Variants in YEATS2 observed in about 807,000 individuals in gnomAD.
YEATS2 encodes the protein YEATS domain-containing protein 2.
In YEATS2, 77 loss-of-function variants were observed where a neutral mutation model predicts 163.2. The observed-to-expected ratio is 0.47, with a 90% CI of 0.39 to 0.57. The LOEUF (loss-of-function observed/expected upper bound fraction) is 0.57. Ranked by LOEUF, YEATS2 falls within the 20% of genes least tolerant of loss-of-function variation. The pLI is 0.00. For synonymous variants in YEATS2, 631 were observed against 645.1 expected, an observed-to-expected ratio of 0.98 and a Z score of 0.33; for missense variants, 1,549 against 1,729.8, an observed-to-expected ratio of 0.90 and a Z score of 1.85.
intron 1 of YEATS2, among the ~76,000 whole-genome samples, chr3:183,702,033 C>T (rs1246293511): frequency 6.6e-6 from 1 of 152,208 alleles, no homozygotes; most frequent in African/African-American, 2.4e-5. Context: ...CTACCTTCTC[C>T]GCTTACCGAA....
chr3:183,789,536 T>A (rs1358089260), intron 20 of YEATS2, among the ~76,000 whole-genome samples: 3 of 112,778 alleles, frequency 2.7e-5, no homozygotes, highest in African/African-American at 1.2e-4. Flanking sequence ...TTTTTTTTTT[T>A]TTTTTTTTTT....
chr3:183,719,258 C>T (rs1354564223), intron 4 of YEATS2, among the ~76,000 whole-genome samples: 2 of 151,386 alleles, frequency 1.3e-5, no homozygotes, highest in African/African-American at 4.9e-5. Context: ...GCCTCAGCCT[C>T]CCAAGTAGCT....
In YEATS2 at chr3:183,777,589, A is replaced by T. The variant is rs188072577; in HGVS notation, c.2625A>T (p.Gln875His). 2 of 1,614,104 alleles carry T rather than the reference A, an allele frequency of 1.2e-6. No individual in the cohort carries two copies. The highest frequency in any genetic ancestry group is 1.7e-6 in the Non-Finnish European group (2 of 1,180,022). The change falls in exon 19 of 31, where the codon CAA becomes CAT. Residue 875 changes from glutamine (Q) to histidine (H), a missense_variant. Coordinates refer to ENST00000305135, the MANE Select transcript of YEATS2 (RefSeq NM_018023.5). Reference protein sequence around the residue: ...GQPSPQTSGKQLTTGSVVQGT... With the variant: ...GQPSPQTSGKHLTTGSVVQGT... Reference sequence around the variant, plus strand: ...CATCACCCCAGACTTCTGGAAAACAACTCACCACTGGGTCAGTGGTCCAAG... The same window carrying T: ...CATCACCCCAGACTTCTGGAAAACATCTCACCACTGGGTCAGTGGTCCAAG...
intron 4 of YEATS2, among the ~76,000 whole-genome samples, chr3:183,721,166 T>C (rs1019379286): frequency 2.0e-5 from 3 of 152,344 alleles, no homozygotes; most frequent in Admixed American, 6.5e-5. Context: ...CATTTAATTA[T>C]TTTTAGTTTT....
At chr3:183,768,564 T>C (rs1425470103) in intron 15 of YEATS2, among the ~76,000 whole-genome samples, 3 of 152,062 alleles carry the variant, frequency 2.0e-5, no homozygotes, top group African/African-American at 7.2e-5. Flanking sequence ...TTCATAAATA[T>C]ACAGAAAAGT....
chr3:183,728,541 G>C, intron 6 of YEATS2, 149 bp from the exon 7 acceptor site: 1 of 672,876 alleles, frequency 1.5e-6, no homozygotes, highest in Non-Finnish European at 2.3e-6. Flanking sequence ...TGATTAACTT[G>C]CAAAGACTCA....
chr3:183,760,860 A>C (rs1197230179), intron 13 of YEATS2, among the ~76,000 whole-genome samples: 1 of 152,140 alleles, frequency 6.6e-6, no homozygotes, highest in Non-Finnish European at 1.5e-5. Context: ...GGCTCCAGGG[A>C]TATAAAATTA....
intron 28 of YEATS2, chr3:183,807,452 A>C: frequency 6.9e-6 from 2 of 290,264 alleles, no homozygotes; most frequent in Non-Finnish European, 1.3e-5. Flanking sequence ...GGCACGTCGT[A>C]CTCTTTCTGA....
At chr3:183,721,825 T>G (rs932281902) in intron 4 of YEATS2, 66 bp from the exon 5 acceptor site, 3 of 1,580,848 alleles carry the variant, frequency 1.9e-6, no homozygotes, top group African/African-American at 2.7e-5. Flanking sequence ...TTTGGAGAGA[T>G]CAGATTTTTG....
intron 1 of YEATS2, among the ~76,000 whole-genome samples, chr3:183,704,360 T>C (rs1478302133): frequency 1.3e-5 from 2 of 152,150 alleles, no homozygotes; most frequent in Non-Finnish European, 2.9e-5. Context: ...GTATTTGCAG[T>C]GAAAGCTTGT....
intron 15 of YEATS2, among the ~76,000 whole-genome samples, chr3:183,768,188 T>C (rs1366122985): frequency 2.0e-5 from 3 of 152,222 alleles, no homozygotes; most frequent in African/African-American, 4.8e-5. Flanking sequence ...TTCCTTTTTT[T>C]GCTCTGACAT....
At chr3:183,741,420 A>G (rs546354322) in intron 8 of YEATS2, among the ~76,000 whole-genome samples, 2 of 152,338 alleles carry the variant, frequency 1.3e-5, no homozygotes, top group South Asian at 2.1e-4. Flanking sequence ...GTTGAGACCA[A>G]CTGCTCAGAG....
intron 12 of YEATS2, among the ~76,000 whole-genome samples, chr3:183,757,849 G>A (rs1159338936): frequency 1.3e-5 from 2 of 151,822 alleles, no homozygotes; most frequent in Non-Finnish European, 2.9e-5. Context: ...TGTGTTCAAG[G>A]CTTACCCAGT....
intron 19 of YEATS2, among the ~76,000 whole-genome samples, chr3:183,778,430 C>T (rs1003038529): frequency 6.6e-6 from 1 of 152,206 alleles, no homozygotes; most frequent in Non-Finnish European, 1.5e-5. Flanking sequence ...AGGGGCTTCA[C>T]GTGGAAGATC....
Position 183,773,618 on chromosome 3 carries a change from C to T in YEATS2, c.2207-15C>T. The stretch of plus-strand genomic sequence containing the variant: ...TTCAATTTATCTTACAATTTTTTCT[C>T]CTTTACCATTTTAGTAATGGCAACG... On this transcript the variant is annotated splice_polypyrimidine_tract_variant and intron_variant, in intron 16 of 30. Transcript: ENST00000305135. 1 of 1,586,968 alleles carries T rather than the reference C, an allele frequency of 6.3e-7. No individual in the cohort carries two copies. Among genetic ancestry groups the T allele is most frequent in the East Asian group, 2.3e-5 (1 of 44,010 alleles).
At chr3:183,794,030 C>T (rs1391020809) in intron 21 of YEATS2, among the ~76,000 whole-genome samples, 4 of 152,188 alleles carry the variant, frequency 2.6e-5, no homozygotes, top group Admixed American at 6.5e-5. Flanking sequence ...ACAGAAGCTG[C>T]GTGAGCAACG....
At chr3:183,772,784 TACACACAC>T (rs879334321) in intron 16 of YEATS2, among the ~76,000 whole-genome samples, 1 of 111,238 alleles carries the variant, frequency 9.0e-6, no homozygotes, top group Admixed American at 9.3e-5. Flanking sequence ...CACACCCACA[TACACACAC>T]ACACACGAAC....
In YEATS2 at chr3:183,758,924, C is replaced by A. The variant is rs1036469390; in HGVS notation, c.1615C>A (p.Pro539Thr). Reference protein sequence around the residue: ...QVSQGTGSPVPKIHGSSFVTS... With the variant: ...QVSQGTGSPVTKIHGSSFVTS... Reference sequence around the variant, plus strand: ...CTCCCAAGGAACAGGTTCCCCTGTTCCTAAAATTCATGGAAGTAGTTTTGT... The same window carrying A: ...CTCCCAAGGAACAGGTTCCCCTGTTACTAAAATTCATGGAAGTAGTTTTGT... The change falls in exon 13 of 31, where the codon CCT (proline) becomes ACT (threonine). Residue 539 changes from proline (P) to threonine (T), a missense_variant. Coordinates refer to ENST00000305135, the MANE Select transcript of YEATS2 (RefSeq NM_018023.5). 6 of 1,593,430 alleles carry A rather than the reference C, an allele frequency of 3.8e-6. No homozygotes were observed. In the African/African-American group the frequency reaches 5.4e-5, roughly 14 times the overall value.
chr3:183,730,056 T>TTTGTTTGTTG (rs1560244351), intron 7 of YEATS2, among the ~76,000 whole-genome samples: 1 of 16,008 alleles, frequency 6.2e-5, no homozygotes, highest in African/African-American at 3.8e-4. Flanking sequence ...TTGTTTGTTT[T>TTTGTTTGTTG]TTTTTTTTTT....
Sources: gnomAD v4.1 joint callset for allele counts (sites outside exome capture counted in the v4.1 genomes callset) on GRCh38, gnomAD v4.1.1 for gene constraint, MANE v1.5 for transcripts, NCBI Gene and HGNC (gene_info 2026-07-23, HGNC 2026-07-21) for gene names.